Variants in PSMB2 observed in about 807,000 individuals in gnomAD.
PSMB2 encodes the protein proteasome subunit beta type-2.
In PSMB2, 13 loss-of-function variants were observed where a neutral mutation model predicts 25.7. The ratio of observed to expected loss-of-function variants is 0.51; its 90% CI spans 0.33 to 0.80. The LOEUF (loss-of-function observed/expected upper bound fraction) is 0.80, where lower values mean the gene tolerates loss of function less well. Ranked by LOEUF, PSMB2 falls within the 30% of genes least tolerant of loss-of-function variation. The pLI is 0.02. For missense variants in PSMB2, 202 were observed against 259.0 expected, an observed-to-expected ratio of 0.78 and a Z score of 1.51; for synonymous variants, 87 against 96.2, an observed-to-expected ratio of 0.90 and a Z score of 0.56.
chr1:35,628,596 A>AAAATATAT (rs59538661), intron 3 of PSMB2, among the ~76,000 whole-genome samples: 3 of 25,106 alleles, frequency 1.2e-4, no homozygotes, highest in Non-Finnish European at 2.3e-4. Flanking sequence ...AAAAAAAAAA[A>AAAATATAT]ATATATATAT....
In PSMB2 at chr1:35,602,748, G is replaced by C. The variant is rs182554289; in HGVS notation, c.*519C>G. The C allele has an allele frequency of 8.7e-4, 259 of 299,402 alleles. 1 individual carries two copies. Among genetic ancestry groups the C allele is most frequent in the African/African-American group, 4.8e-3 (213 of 44,028 alleles). The allele number at this position is 299,402 out of a possible 1,614,324, so 18.5% of individuals were successfully genotyped here. A position where few individuals can be genotyped will look rare whatever the true frequency, so the allele number is the denominator to read the frequency against. ...CTTGACCTCGTGATCCGCCCGCCTC[G>C]GCCTCCCAAAGTGCTGGGATTACAG... On this transcript the variant is annotated 3_prime_UTR_variant, in exon 6 of 6. Coordinates refer to ENST00000373237, the MANE Select transcript of PSMB2 (RefSeq NM_002794.5).
intron 3 of PSMB2, among the ~76,000 whole-genome samples, chr1:35,628,630 TA>T (rs1553125170): frequency 1.4e-4 from 7 of 50,462 alleles, no homozygotes; most frequent in Non-Finnish European, 2.1e-4. Flanking sequence ...TATATATATA[TA>T]TTTTTTTTTT....
intron 1 of PSMB2, among the ~76,000 whole-genome samples, chr1:35,637,726 A>G (rs557894413): frequency 6.6e-5 from 10 of 152,220 alleles, no homozygotes; most frequent in Non-Finnish European, 1.3e-4. Context: ...TGGAGGGAAA[A>G]AACACACAAA....
intron 3 of PSMB2, among the ~76,000 whole-genome samples, chr1:35,616,775 C>T (rs1650501355): frequency 6.6e-6 from 1 of 152,098 alleles, no homozygotes; most frequent in Non-Finnish European, 1.5e-5. Flanking sequence ...GAACTCTGGA[C>T]TTTGTTTGCC....
intron 3 of PSMB2, among the ~76,000 whole-genome samples, chr1:35,619,998 A>G (rs1374414287): frequency 6.6e-6 from 1 of 152,240 alleles, no homozygotes; most frequent in Non-Finnish European, 1.5e-5. Context: ...GGAAAATTTA[A>G]GATTCCATAT....
intron 3 of PSMB2, among the ~76,000 whole-genome samples, chr1:35,610,527 C>T (rs1353582287): frequency 2.0e-5 from 3 of 152,102 alleles, no homozygotes; most frequent in Non-Finnish European, 2.9e-5. Context: ...CGGAGTCTGG[C>T]TCTTGTCCCC....
intron 5 of PSMB2, among the ~76,000 whole-genome samples, chr1:35,604,506 G>A (rs533338628): frequency 6.6e-6 from 1 of 152,288 alleles, no homozygotes; most frequent in African/African-American, 2.4e-5. Flanking sequence ...AGGGATGGGC[G>A]TGGTGGCTCA....
intron 2 of PSMB2, among the ~76,000 whole-genome samples, chr1:35,634,460 T>G (rs188252961): frequency 8.5e-5 from 13 of 152,314 alleles, no homozygotes; most frequent in African/African-American, 2.9e-4. Context: ...CACTGAGACC[T>G]TGAACTCCTG....
At position 35,600,098 on chromosome 1, in the gene PSMB2, G is replaced by A. The variant is rs1216675949; in HGVS notation, c.*3169C>T. ...GAACTTACTGCAGTAAGCTACGATC[G>A]TGCCACTGTACTCCAGCCTAGGTGA... On this transcript the variant is annotated 3_prime_UTR_variant, in exon 6 of 6. Transcript: ENST00000373237. 25 of 861,834 alleles carry A rather than the reference G, an allele frequency of 2.9e-5. No individual in the cohort carries two copies. The highest frequency in any genetic ancestry group is 1.1e-4 in the South Asian group (2 of 18,694). The allele number at this position is 861,834 out of a possible 1,614,324, so 53.4% of individuals were successfully genotyped here.
chr1:35,623,321 G>A (rs989995969), intron 3 of PSMB2, among the ~76,000 whole-genome samples: 3 of 152,140 alleles, frequency 2.0e-5, no homozygotes, highest in Admixed American at 6.5e-5. Flanking sequence ...GAACAGACAC[G>A]TAACTCTTGG....
At chr1:35,631,556 C>T in intron 2 of PSMB2, 2 of 1,311,094 alleles carry the variant, frequency 1.5e-6, no homozygotes, top group Non-Finnish European at 2.0e-6. Context: ...TTCTTGGCCA[C>T]AAACAGAACC....
At chr1:35,625,382 G>C (rs1326129104) in intron 3 of PSMB2, among the ~76,000 whole-genome samples, 1 of 152,130 alleles carries the variant, frequency 6.6e-6, no homozygotes, top group Non-Finnish European at 1.5e-5. Flanking sequence ...GATTTGCCTG[G>C]TTTATACCTG....
rs1557456356 is a variant in PSMB2, at chr1:35,628,599, ATATATAT to A, written c.285+2668_285+2674del. Among the ~76,000 whole-genome samples, 223 of 23,584 alleles carry A rather than the reference ATATATAT, an allele frequency of 9.5e-3. 2 individuals are homozygous for A. Among genetic ancestry groups the A allele is most frequent in the Non-Finnish European group, 0.013 (171 of 12,684 alleles). 15.5% of individuals were successfully genotyped at this position (23,584 alleles called of 152,430 possible). ...GGAAGAAAAAAAAAAAAAAAAAAATATATATATATATATATATATATATATATATATA... is the reference window on the plus strand; with the variant it reads ...GGAAGAAAAAAAAAAAAAAAAAAATAATATATATATATATATATATATATA... On this transcript the variant is annotated intron_variant, in intron 3 of 5. Transcript: ENST00000373237.
chr1:35,628,648 T>TTAAA (rs1553125213), intron 3 of PSMB2, among the ~76,000 whole-genome samples: 5 of 34,716 alleles, frequency 1.4e-4, no homozygotes, highest in Non-Finnish European at 4.3e-4. Context: ...TTTTTTTTTT[T>TTAAA]AAAGAAAAGA....
chr1:35,629,673 G>A (rs1305383157), intron 3 of PSMB2, among the ~76,000 whole-genome samples: 2 of 151,970 alleles, frequency 1.3e-5, no homozygotes, highest in Admixed American at 6.6e-5. Flanking sequence ...AGCCAGATGT[G>A]GTGGTGCACA....
chr1:35,614,653 C>T (rs1018995938), intron 3 of PSMB2, among the ~76,000 whole-genome samples: 2 of 152,160 alleles, frequency 1.3e-5, no homozygotes, highest in African/African-American at 4.8e-5. Context: ...TCCAAGTGAA[C>T]CCAAACATTT....
At chr1:35,618,010 A>G (rs1304953542) in intron 3 of PSMB2, among the ~76,000 whole-genome samples, 1 of 152,172 alleles carries the variant, frequency 6.6e-6, no homozygotes, top group African/African-American at 2.4e-5. Flanking sequence ...GGAAATACAA[A>G]ACAGATTGCC....
intron 4 of PSMB2, among the ~76,000 whole-genome samples, chr1:35,608,210 C>T (rs1261692877): frequency 6.6e-6 from 1 of 151,940 alleles, no homozygotes; most frequent in Non-Finnish European, 1.5e-5. Context: ...ACAAAAAATA[C>T]AAAAACTAGC....
At position 35,641,462 on chromosome 1, in the gene PSMB2, G is replaced by C. The variant is rs1163506462; in HGVS notation, c.-30C>G. On this transcript the variant is annotated 5_prime_UTR_variant, in exon 1 of 6. Transcript: ENST00000373237. ...GCGGAAGGCCAGGGGCTGCAGGTCC[G>C]ACACAGCACGAGACTCGCCCGCTTC... is the stretch of plus-strand genomic sequence containing the variant. 2 of 1,613,546 alleles carry C rather than the reference G, an allele frequency of 1.2e-6. No homozygotes were observed. The highest frequency in any genetic ancestry group is 1.7e-6 in the Non-Finnish European group (2 of 1,179,846).
Sources: allele counts gnomAD v4.1 joint callset (sites outside exome capture counted in the v4.1 genomes callset), GRCh38; gene constraint gnomAD v4.1.1; transcripts MANE v1.5; gene names NCBI Gene and HGNC (gene_info 2026-07-23, HGNC 2026-07-21).